GALNT16: variants seen among roughly 807,000 people sequenced by gnomAD.
GALNT16 encodes polypeptide N-acetylgalactosaminyltransferase 16.
A neutral mutation model predicts 76.1 loss-of-function variants in GALNT16; 40 were observed. That is an observed-to-expected ratio of 0.53 (90% CI 0.41 to 0.68). The LOEUF is 0.68. Among genes scored for constraint, GALNT16 ranks in the 30% least tolerant of loss-of-function variants. The pLI, the probability that GALNT16 is intolerant of heterozygous loss-of-function variation, is 0.00. For synonymous variants in GALNT16, 276 were observed against 285.2 expected (o/e 0.97, Z 0.32); for missense variants, 621 against 731.9 (o/e 0.85, Z 1.75).
At chr14:69,323,188 G>C (rs2045228995) in intron 2 of GALNT16, among the ~76,000 whole-genome samples, 1 of 152,204 alleles carries the variant, frequency 6.6e-6, no homozygotes. Context: ...CTCCAGGGGA[G>C]CAAAGGGACA....
chr14:69,361,048 C>T (rs910956414), downstream of GALNT16, among the ~76,000 whole-genome samples: 3 of 152,208 alleles, frequency 2.0e-5, no homozygotes, highest in Non-Finnish European at 4.4e-5. Context: ...ATGCCAGCCT[C>T]GCTTTGCATG....
intron 2 of GALNT16, among the ~76,000 whole-genome samples, chr14:69,323,472 C>T (rs1024444636): frequency 4.6e-5 from 7 of 152,170 alleles, no homozygotes; most frequent in Non-Finnish European, 7.3e-5. Context: ...TTCTGGGCAC[C>T]GGATGGTTGG....
chr14:69,379,215 T>C, the GALNT16 span, among the ~76,000 whole-genome samples: 2 of 152,288 alleles, frequency 1.3e-5, no homozygotes, highest in East Asian at 1.9e-4. Flanking sequence ...GCTGGGATTA[T>C]AGGCGTGAGC....
Position 69,311,413 on chromosome 14 carries a change from GA to G in GALNT16, c.178-9297del, listed in dbSNP as rs1246755933. ...TACTTCTTAATACCACCACAATGGGGATTAAGTTTCAACAGGAATTTTGGAG... is the reference window on the plus strand; with the variant it reads ...TACTTCTTAATACCACCACAATGGGGTTAAGTTTCAACAGGAATTTTGGAG... On this transcript the variant is annotated intron_variant, in intron 1 of 14. Coordinates refer to ENST00000448469, the MANE Select transcript of GALNT16 (RefSeq NM_001168368.2). Among the ~76,000 whole-genome samples, 3 of 152,160 alleles carry G rather than the reference GA, an allele frequency of 2.0e-5. No homozygotes were observed. In the East Asian group the frequency reaches 5.8e-4, roughly 29 times the overall value.
At chr14:69,275,875 C>T (rs1284170208) in intron 1 of GALNT16, among the ~76,000 whole-genome samples, 1 of 152,118 alleles carries the variant, frequency 6.6e-6, no homozygotes, top group Non-Finnish European at 1.5e-5. Flanking sequence ...CGTTTTCACG[C>T]TGCTGATAAA....
At chr14:69,312,544 T>C (rs2045043084) in intron 1 of GALNT16, among the ~76,000 whole-genome samples, 1 of 152,194 alleles carries the variant, frequency 6.6e-6, no homozygotes, top group South Asian at 2.1e-4. Flanking sequence ...TGACTTTGTC[T>C]CCCGTTAGGT....
the GALNT16 span, among the ~76,000 whole-genome samples, chr14:69,372,005 C>A: frequency 2.0e-5 from 3 of 151,984 alleles, no homozygotes; most frequent in African/African-American, 7.2e-5. Flanking sequence ...TCTACACTTA[C>A]CCGAGGATTA....
intron 1 of GALNT16, among the ~76,000 whole-genome samples, chr14:69,319,389 T>A (rs773665105): frequency 2.0e-4 from 31 of 152,246 alleles, no homozygotes; most frequent in Admixed American, 9.8e-4. Flanking sequence ...GCTGCCTTGC[T>A]GGGACCATCC....
rs1163003468 is a variant in GALNT16 at position 69,322,975 on chromosome 14, T to C, written c.336-1717T>C. On this transcript the variant is annotated intron_variant, in intron 2 of 14. Coordinates refer to ENST00000448469, the MANE Select transcript of GALNT16 (RefSeq NM_001168368.2). ...GTGTGTGTGTGTGTGTGTGTGTGTG[T>C]GTGTGTGCGCGCGCACGCGCGCACG... Among the ~76,000 whole-genome samples the C allele has an allele frequency of 9.1e-3, 405 of 44,316 alleles. 19 individuals are homozygous for C. Among genetic ancestry groups the C allele is most frequent in the African/African-American group, 0.057 (374 of 6,586 alleles). 29.1% of individuals were successfully genotyped at this position (44,316 alleles called of 152,430 possible).
At position 69,260,242 on chromosome 14, in the gene GALNT16, C is replaced by G. The variant is rs759252815; in HGVS notation, c.-49C>G. ...GCTGCGAGCGCCCCCGCCCCGGCCC[C>G]GAGAGCACGCCGGCCCAGTCCCCCA... On this transcript the variant is annotated 5_prime_UTR_variant, in exon 1 of 15. Transcript: ENST00000448469. The G allele has an allele frequency of 5.8e-6, 9 of 1,557,702 alleles. No homozygotes were observed. The Admixed American group carries it at 1.0e-4, about 17-fold the overall frequency.
the GALNT16 span, among the ~76,000 whole-genome samples, chr14:69,381,690 G>A: frequency 6.6e-6 from 1 of 151,708 alleles, no homozygotes; most frequent in Admixed American, 6.6e-5. Context: ...CCCCACCACC[G>A]ACCCCTGCTT....
chr14:69,377,644 A>C, the GALNT16 span, among the ~76,000 whole-genome samples: 4 of 151,848 alleles, frequency 2.6e-5, no homozygotes, highest in Admixed American at 2.6e-4. Flanking sequence ...TCATCTCTAC[A>C]AAAAATAATT....
rs1019863351 is a variant in GALNT16, at chr14:69,347,894, C to G, written c.1431C>G (p.Asp477Glu). 3.1e-6 allele frequency: 5 copies of G among 1,613,864 alleles called. No homozygotes were observed. Among genetic ancestry groups the G allele is most frequent in the Non-Finnish European group, 4.2e-6 (5 of 1,180,012 alleles). ...CCTTGCAGGCATGGCTGTTCAGTGA[C>G]CACCTCATCCAGCAGCAGGGGAAGT... is the stretch of plus-strand genomic sequence containing the variant. ...PQPAQAWLFS[D>E]HLIQQQGKCL... The change falls in exon 14 of 15, where the codon GAC becomes GAG. Residue 477 changes from aspartate (D) to glutamate (E), a missense_variant. Coordinates refer to ENST00000448469, the MANE Select transcript of GALNT16 (RefSeq NM_001168368.2).
At chr14:69,323,223 A>G (rs1431105582) in intron 2 of GALNT16, among the ~76,000 whole-genome samples, 3 of 152,198 alleles carry the variant, frequency 2.0e-5, no homozygotes, top group African/African-American at 7.2e-5. Context: ...CAGGCCGAGG[A>G]GGATCACAGA....
intron 1 of GALNT16, among the ~76,000 whole-genome samples, chr14:69,292,545 T>C (rs929298983): frequency 6.6e-6 from 1 of 152,306 alleles, no homozygotes; most frequent in East Asian, 1.9e-4. Flanking sequence ...TCTCCTTCCA[T>C]ACCCTTGGCC....
At chr14:69,273,338 G>A (rs531500109) in intron 1 of GALNT16, among the ~76,000 whole-genome samples, 1 of 152,322 alleles carries the variant, frequency 6.6e-6, no homozygotes, top group South Asian at 2.1e-4. Context: ...TCTTTGTCCT[G>A]TTACAGCCAG....
At chr14:69,294,136 C>T (rs1431174041) in intron 1 of GALNT16, among the ~76,000 whole-genome samples, 1 of 151,606 alleles carries the variant, frequency 6.6e-6, no homozygotes, top group Non-Finnish European at 1.5e-5. Flanking sequence ...GATCCACCCG[C>T]CTTGGCCTCC....
At chr14:69,278,077 A>G (rs1320278261) in intron 1 of GALNT16, among the ~76,000 whole-genome samples, 1 of 151,746 alleles carries the variant, frequency 6.6e-6, no homozygotes, top group Non-Finnish European at 1.5e-5. Context: ...GGTGCTATCA[A>G]AGCTCACTAT....
rs758202292 is a variant in GALNT16 at position 69,320,830 on chromosome 14, G to T, written c.297G>T (p.Leu99=). ...TCAACCAGCTGGAGAGTGACAAGCT[G>T]AGCCCAGACCGGCCCATCCGGGACA... ...HAFNQLESDK[L]SPDRPIRDTR... is the part of the protein sequence containing the mutation. Residue 99 remains leucine, a synonymous_variant, in exon 2 of 15, where the codon CTG becomes CTT. Coordinates refer to ENST00000448469, the MANE Select transcript of GALNT16 (RefSeq NM_001168368.2). 1 of 1,614,178 alleles carries T rather than the reference G, an allele frequency of 6.2e-7. No homozygotes were observed. Among genetic ancestry groups the T allele is most frequent in the South Asian group, 1.1e-5 (1 of 91,086 alleles).
Sources: allele counts gnomAD v4.1 joint callset (sites outside exome capture counted in the v4.1 genomes callset), GRCh38; gene constraint gnomAD v4.1.1; transcripts MANE v1.5; gene names NCBI Gene and HGNC (gene_info 2026-07-23, HGNC 2026-07-21).